INKA2: variants seen among roughly 807,000 people sequenced by gnomAD.
INKA2 encodes PAK4-inhibitor INKA2.
Under a neutral mutation model 9.8 loss-of-function variants are expected in INKA2, and 3 were observed. That is an observed-to-expected ratio of 0.31 (90% confidence interval 0.14 to 0.79). The LOEUF is 0.79. Ranked by LOEUF, INKA2 falls within the 30% of genes least tolerant of loss-of-function variation. The probability of loss-of-function intolerance (pLI) is 0.62; values close to 1 mark genes in which losing one functional copy is unlikely to be tolerated. For synonymous variants in INKA2, 147 were observed against 143.3 expected, an observed-to-expected ratio of 1.03 and a Z score of -0.18; for missense variants, 392 against 384.4, an observed-to-expected ratio of 1.02 and a Z score of -0.17.
At chr1:111,734,818 T>G (rs1662979761) in intron 1 of INKA2, among the ~76,000 whole-genome samples, 1 of 152,250 alleles carries the variant, frequency 6.6e-6, no homozygotes, top group Admixed American at 6.5e-5. Flanking sequence ...ACATGAAGCT[T>G]TCTCCAATCT....
upstream of INKA2, among the ~76,000 whole-genome samples, chr1:111,743,041 T>TA (rs1254996801): frequency 6.6e-6 from 1 of 152,176 alleles, no homozygotes; most frequent in Admixed American, 6.5e-5. Flanking sequence ...TTTTTCTTTT[T>TA]AAAAAAGGAT....
intron 1 of INKA2, chr1:111,755,634 G>T: frequency 6.2e-7 from 1 of 1,601,600 alleles, no homozygotes; most frequent in South Asian, 1.1e-5. Flanking sequence ...GAAGAGGGCC[G>T]AGAGGCGGGG....
chr1:111,741,588 A>G (rs1663152578), upstream of INKA2, among the ~76,000 whole-genome samples: 1 of 152,234 alleles, frequency 6.6e-6, no homozygotes, highest in South Asian at 2.1e-4. Flanking sequence ...GGGGACTTCA[A>G]TGGGGACAAA....
chr1:111,751,831 G>C (rs576625487), intron 1 of INKA2, among the ~76,000 whole-genome samples: 3 of 152,178 alleles, frequency 2.0e-5, no homozygotes, highest in Non-Finnish European at 2.9e-5. Flanking sequence ...ATGTGGCAGA[G>C]ACTGTTAGTT....
At chr1:111,744,044 C>T (rs1040917059), upstream of INKA2, among the ~76,000 whole-genome samples, 2 of 152,188 alleles carry the variant, frequency 1.3e-5, no homozygotes, top group African/African-American at 4.8e-5. Flanking sequence ...TGTGGGAACA[C>T]ATTGGGATGG....
chr1:111,730,985 G>C (rs761172457), intron 1 of INKA2, among the ~76,000 whole-genome samples: 7 of 152,210 alleles, frequency 4.6e-5, no homozygotes, highest in Non-Finnish European at 1.0e-4. Context: ...CCAGAGGCAA[G>C]GAGTCCAAAC....
Position 111,725,532 on chromosome 1 carries a change from G to A in INKA2, c.*1436C>T, listed in dbSNP as rs940102056. On this transcript the variant is annotated 3_prime_UTR_variant, in exon 2 of 2. Transcript: ENST00000357260. ...TCCCCCTCCGTCCCGGCTGCCTCTA[G>A]GTGAGGAGGGAACAGGAGGCCTGGG... 1 of 152,332 alleles carries A rather than the reference G, an allele frequency of 6.6e-6. No homozygotes were observed. The highest frequency in any genetic ancestry group is 2.4e-5 in the African/African-American group (1 of 41,460). 9.4% of individuals were successfully genotyped at this position (152,332 alleles called of 1,614,324 possible).
intron 1 of INKA2, chr1:111,753,849 G>A (rs1663461914): frequency 6.6e-6 from 1 of 152,196 alleles, no homozygotes; most frequent in Non-Finnish European, 1.5e-5. Context: ...AGCCAGACTG[G>A]AATTATTTAT....
chr1:111,723,532 C>A lies in INKA2; in HGVS notation c.*3436G>T. 1.1e-5 allele frequency: 2 copies of A among 188,920 alleles called. No homozygotes were observed. Among genetic ancestry groups the A allele is most frequent in the Non-Finnish European group, 1.1e-5 (1 of 92,310 alleles). 11.7% of individuals were successfully genotyped at this position (188,920 alleles called of 1,614,324 possible). On this transcript the variant is annotated 3_prime_UTR_variant, in exon 2 of 2. Transcript: ENST00000357260. ...CCAATCAGGTGGCCCTTGTACCTGC[C>A]AGGGAAGTGGGGCAGGGTGGGGTGG...
upstream of INKA2, among the ~76,000 whole-genome samples, chr1:111,743,876 A>G (rs2101386421): frequency 6.6e-6 from 1 of 152,298 alleles, no homozygotes; most frequent in East Asian, 1.9e-4. Flanking sequence ...CACCCACCAC[A>G]TGCTGCCTGA....
intron 1 of INKA2, among the ~76,000 whole-genome samples, chr1:111,737,538 A>G (rs1005084487): frequency 6.6e-6 from 1 of 152,186 alleles, no homozygotes; most frequent in Non-Finnish European, 1.5e-5. Flanking sequence ...TGGACCTCAG[A>G]CATTATCTGT....
intron 1 of INKA2, among the ~76,000 whole-genome samples, chr1:111,752,098 CCTGCTGG>C (rs1334193912): frequency 2.6e-5 from 4 of 152,198 alleles, no homozygotes; most frequent in Admixed American, 1.3e-4. Context: ...CTTCCTCCTT[CCTGCTGG>C]CTGCAATGCA....
rs1444288220 is a variant in INKA2 at position 111,749,745 on chromosome 1, T to G, written n.124+5956A>C. Among the ~76,000 whole-genome samples, 4 of 151,676 alleles carry G rather than the reference T, an allele frequency of 2.6e-5. No individual in the cohort carries two copies. In the East Asian group the frequency reaches 7.8e-4, roughly 29 times the overall value. On this transcript the variant is annotated intron_variant and non_coding_transcript_variant, in intron 1 of 1. Coordinates refer to the INKA2 transcript ENST00000444059. ...ACCCCTCCCTGAGCCCCATTCAGAG[T>G]TCCCCTCCCTGCCATTTGTCTCTCA...
In INKA2 at chr1:111,750,229, C is replaced by T. The variant is rs197382; in HGVS notation, n.124+5472G>A. 9.1e-3 allele frequency among the ~76,000 whole-genome samples: 1,389 copies of T among 152,294 alleles called. 19 individuals carry two copies. The highest frequency in any genetic ancestry group is 0.032 in the African/African-American group (1,311 of 41,546). ...CTCTTCCAAAGCCAGTCAGGCAATC[C>T]CCATGGTGGGGGGTGGCTGTGCAGT... is the stretch of plus-strand genomic sequence containing the variant. On this transcript the variant is annotated intron_variant and non_coding_transcript_variant, in intron 1 of 1. Transcript: ENST00000444059.
chr1:111,741,647 CCA>C (rs1227299217), upstream of INKA2, among the ~76,000 whole-genome samples: 5 of 152,232 alleles, frequency 3.3e-5, no homozygotes, highest in East Asian at 7.7e-4. Context: ...TGCTCCATCT[CCA>C]GTCTCCAGCA....
At chr1:111,749,421 G>GGTGTGTGTGT (rs58362318) in intron 1 of INKA2, among the ~76,000 whole-genome samples, 1 of 149,992 alleles carries the variant, frequency 6.7e-6, no homozygotes, top group Non-Finnish European at 1.5e-5. Flanking sequence ...TGTGTGTTGG[G>GGTGTGTGTGT]GTGTGTGTGT....
intron 1 of INKA2, chr1:111,745,293 A>ATATATATATATATAT (rs1358304932): frequency 1.0e-4 from 5 of 49,272 alleles, no homozygotes; most frequent in African/African-American, 2.9e-4. Context: ...ATATATATAT[A>ATATATATATATATAT]TTTTTTTTTT....
chr1:111,750,820 C>G (rs368128628), intron 1 of INKA2, among the ~76,000 whole-genome samples: 13 of 152,224 alleles, frequency 8.5e-5, no homozygotes, highest in East Asian at 7.7e-4. Flanking sequence ...ACACTACCCC[C>G]CTTTGGAAGA....
chr1:111,729,598 C>T (rs886520730), intron 1 of INKA2, among the ~76,000 whole-genome samples: 3 of 152,242 alleles, frequency 2.0e-5, no homozygotes, highest in African/African-American at 7.2e-5. Flanking sequence ...CCAGCTCCCT[C>T]CCCAGCTCCT....
Sources: gnomAD v4.1 joint callset for allele counts (sites outside exome capture counted in the v4.1 genomes callset) on GRCh38, gnomAD v4.1.1 for gene constraint, MANE v1.5 for transcripts, NCBI Gene and HGNC (gene_info 2026-07-23, HGNC 2026-07-21) for gene names.